The following CPSF4L variants were observed in gnomAD, a reference collection of about 807,000 sequenced individuals.
The protein encoded by CPSF4L is putative cleavage and polyadenylation specificity factor subunit 4-like protein.
Under a neutral mutation model 24.0 loss-of-function variants are expected in CPSF4L, and 18 were observed. The observed-to-expected ratio is 0.75, with a 90% CI of 0.52 to 1.11. The LOEUF is 1.11. CPSF4L is among the 50% of genes least tolerant of loss of function. The pLI, the probability that CPSF4L is intolerant of heterozygous loss-of-function variation, is 0.00. For synonymous variants in CPSF4L, 72 were observed against 77.2 expected, an observed-to-expected ratio of 0.93 and a Z score of 0.35; for missense variants, 211 against 221.8, an observed-to-expected ratio of 0.95 and a Z score of 0.31.
chr17:73,261,464 A>G lies in CPSF4L; in HGVS notation c.103+252T>C, dbSNP rs186806381. Among the ~76,000 whole-genome samples, 903 of 152,222 alleles carry G rather than the reference A, an allele frequency of 5.9e-3. 5 individuals are homozygous for G. The highest frequency in any genetic ancestry group is 0.01 in the Non-Finnish European group (708 of 68,002). On this transcript the variant is annotated intron_variant, in intron 1 of 5. Coordinates refer to ENST00000344935, the MANE Select transcript of CPSF4L (RefSeq NM_001129885.1). Reference sequence around the variant, plus strand: ...ATCACGAGGTCAGGAGATTGAGACCATCCTGGCTAACATGGTGAAACCCGG... The same window carrying G: ...ATCACGAGGTCAGGAGATTGAGACCGTCCTGGCTAACATGGTGAAACCCGG...
At chr17:73,257,976 G>A in intron 2 of CPSF4L, 143 bp from the exon 3 acceptor site, 1 of 779,950 alleles carries the variant, frequency 1.3e-6, no homozygotes, top group African/African-American at 1.8e-5. Context: ...CCCTGTAGGG[G>A]CTGGAACTGG....
intron 3 of CPSF4L, among the ~76,000 whole-genome samples, chr17:73,255,515 GAA>G (rs56896799): frequency 0.033 from 3,855 of 117,802 alleles, 91 homozygotes; most frequent in African/African-American, 0.066. Flanking sequence ...TCCAAAAAAA[GAA>G]AAAAAAAAAA....
rs1224721930 is a variant in CPSF4L at position 73,257,766 on chromosome 17, C to A, written c.222G>T (p.Gly74=). ...TGCAGTGATCACCCTTCTTGCAGAG[C>A]CCCCGGAGCCAGTGCTTGCATACCA... is the stretch of plus-strand genomic sequence containing the variant. ...KMVVCKHWLR[G]LCKKGDHCKF... The change falls in exon 3 of 6, where the codon GGG becomes GGT. Residue 74 remains glycine, a synonymous_variant. Transcript: ENST00000344935. 2 of 1,551,538 alleles carry A rather than the reference C, an allele frequency of 1.3e-6. No individual in the cohort carries two copies.
chr17:73,243,053 G>A, the CPSF4L span: 1 of 1,278,716 alleles, frequency 7.8e-7, no homozygotes, highest in South Asian at 1.3e-5. Context: ...ATTCCGTTAT[G>A]TGGACCTCCA....
downstream of CPSF4L, chr17:73,245,154 CTG>C: frequency 6.2e-7 from 1 of 1,613,568 alleles, no homozygotes; most frequent in Non-Finnish European, 8.5e-7. Context: ...ACATTTGTCT[CTG>C]TTTATCCAAA....
chr17:73,247,352 T>G (rs768262257), downstream of CPSF4L: 1 of 1,614,074 alleles, frequency 6.2e-7, no homozygotes, highest in Non-Finnish European at 8.5e-7. Context: ...GAAGCACGTT[T>G]AAGTAGGAGA....
chr17:73,245,398 G>C (rs543203111), downstream of CPSF4L: 38 of 1,224,424 alleles, frequency 3.1e-5, no homozygotes, highest in South Asian at 4.1e-4. Flanking sequence ...GTTCTGTCTG[G>C]ATGTTCTTGG....
downstream of CPSF4L, chr17:73,245,132 T>C (rs1436215880): frequency 5.0e-6 from 8 of 1,609,496 alleles, no homozygotes; most frequent in African/African-American, 8.0e-5. Flanking sequence ...GGAAGTGGCC[T>C]CTCGGATCCT....
chr17:73,243,174 G>C, the CPSF4L span: 1 of 670,872 alleles, frequency 1.5e-6, no homozygotes, highest in Admixed American at 2.2e-5. Context: ...ATTTTTTTGA[G>C]ATACAGTTTT....
chr17:73,243,822 C>G (rs115594539), downstream of CPSF4L, among the ~76,000 whole-genome samples: 1 of 152,150 alleles, frequency 6.6e-6, no homozygotes, highest in African/African-American at 2.4e-5. Context: ...CATGAGCCAC[C>G]GCACTCAGCC....
At chr17:73,247,438 T>C (rs767710353), downstream of CPSF4L, 60 of 1,235,676 alleles carry the variant, frequency 4.9e-5, no homozygotes, top group Non-Finnish European at 6.6e-5. Flanking sequence ...CTAAGTGTAG[T>C]GGTAGCATTA....
intron 5 of CPSF4L, chr17:73,251,175 G>A: frequency 7.2e-7 from 1 of 1,397,992 alleles, no homozygotes; most frequent in Non-Finnish European, 9.4e-7. Flanking sequence ...ACTTCACAGA[G>A]GGCCGGGACG....
rs2062046990 is a variant in CPSF4L at position 73,261,683 on chromosome 17, T to C, written c.103+33A>G. 13 of 1,351,546 alleles carry C rather than the reference T, an allele frequency of 9.6e-6. No individual in the cohort carries two copies. In the South Asian group the frequency reaches 1.0e-4, roughly 11 times the overall value. The allele number at this position is 1,351,546 out of a possible 1,614,324, so 83.7% of individuals were successfully genotyped here. On this transcript the variant is annotated intron_variant, in intron 1 of 5. Transcript: ENST00000344935. ...CTCAAAGAAAAAAAAACAGAGAAGG[T>C]AGGGGAGGGAAAGTGGCCCCACCCT...
intron 1 of CPSF4L, 57 bp from the exon 2 acceptor site, chr17:73,261,040 G>T: frequency 7.0e-7 from 1 of 1,423,480 alleles, no homozygotes; most frequent in South Asian, 1.2e-5. Flanking sequence ...CAGCTGTTCC[G>T]GAAGCCTCCA....
intron 3 of CPSF4L, among the ~76,000 whole-genome samples, chr17:73,255,453 G>C (rs1568331892): frequency 6.7e-6 from 1 of 150,042 alleles, no homozygotes; most frequent in Non-Finnish European, 1.5e-5. Context: ...GTTGCAGTGA[G>C]TCGAGATTGT....
downstream of CPSF4L, chr17:73,247,107 T>C (rs1013792485): frequency 4.0e-6 from 3 of 745,960 alleles, no homozygotes; most frequent in Non-Finnish European, 6.6e-6. Context: ...AGTCAAAATG[T>C]ACAAAAACAA....
the CPSF4L span, among the ~76,000 whole-genome samples, chr17:73,242,688 A>G: frequency 6.6e-6 from 1 of 152,220 alleles, no homozygotes; most frequent in Non-Finnish European, 1.5e-5. Context: ...TAAAGATTTT[A>G]ACCAAGCACC....
At chr17:73,245,341 AAAT>A (rs1471954395), downstream of CPSF4L, 41 of 1,384,196 alleles carry the variant, frequency 3.0e-5, no homozygotes, top group Middle Eastern at 1.9e-4. Flanking sequence ...TTGGAATCTA[AAAT>A]AATGATACAG....
chr17:73,243,086 T>TGG, the CPSF4L span: 1 of 987,740 alleles, frequency 1.0e-6, no homozygotes, highest in African/African-American at 1.7e-5. Flanking sequence ...AATTTTTTTT[T>TGG]TTTTTTTTTT....
Sources: allele counts gnomAD v4.1 joint callset (sites outside exome capture counted in the v4.1 genomes callset), GRCh38; gene constraint gnomAD v4.1.1; transcripts MANE v1.5; gene names NCBI Gene and HGNC (gene_info 2026-07-23, HGNC 2026-07-21).